SORCS2: variants seen among roughly 807,000 people sequenced by gnomAD.
SORCS2 encodes VPS10 domain-containing receptor SorCS2.
SORCS2 carries 100 observed loss-of-function variants against 141.6 expected under a neutral mutation model. The ratio of observed to expected loss-of-function variants is 0.71; its 90% confidence interval spans 0.60 to 0.83. The LOEUF (loss-of-function observed/expected upper bound fraction) is 0.83. SORCS2 is among the 40% of genes least tolerant of loss of function. The pLI is 0.00. For missense variants in SORCS2, 1,646 were observed against 1,560.2 expected, an observed-to-expected ratio of 1.05 and a Z score of -0.93; for synonymous variants, 789 against 676.9, an observed-to-expected ratio of 1.17 and a Z score of -2.57.
intron 2 of SORCS2, among the ~76,000 whole-genome samples, chr4:7,437,196 C>T (rs1028564615): frequency 2.6e-5 from 4 of 152,156 alleles, no homozygotes; most frequent in South Asian, 2.1e-4. Context: ...GTACTTCTGA[C>T]GAAGTGGCTA....
chr4:7,706,049 G>A (rs1725415169), intron 14 of SORCS2, among the ~76,000 whole-genome samples: 1 of 147,842 alleles, frequency 6.8e-6, no homozygotes. Flanking sequence ...ATGAGGCTGG[G>A]CTCCGCCTGG....
chr4:7,370,425 G>C (rs1722179426), intron 1 of SORCS2, among the ~76,000 whole-genome samples: 1 of 152,230 alleles, frequency 6.6e-6, no homozygotes, highest in Non-Finnish European at 1.5e-5. Context: ...TCAGAGGACA[G>C]CCTGGTCCAT....
At chr4:7,402,788 T>C (rs1443402951) in intron 2 of SORCS2, among the ~76,000 whole-genome samples, 1 of 152,140 alleles carries the variant, frequency 6.6e-6, no homozygotes, top group East Asian at 1.9e-4. Flanking sequence ...AATCTTGTTA[T>C]TTTGCATCTC....
intron 3 of SORCS2, among the ~76,000 whole-genome samples, chr4:7,589,024 CTG>C (rs1169562271): frequency 6.6e-6 from 1 of 152,162 alleles, no homozygotes; most frequent in African/African-American, 2.4e-5. Context: ...ACACAGCAGA[CTG>C]AGAGAGCCCA....
intron 2 of SORCS2, among the ~76,000 whole-genome samples, chr4:7,473,208 T>G (rs2109350553): frequency 6.6e-6 from 1 of 152,162 alleles, no homozygotes; most frequent in African/African-American, 2.4e-5. Context: ...CATCCACAAA[T>G]ATGTGTTTGC....
At chr4:7,460,277 G>C (rs929642685) in intron 2 of SORCS2, among the ~76,000 whole-genome samples, 8 of 152,260 alleles carry the variant, frequency 5.3e-5, no homozygotes, top group African/African-American at 1.9e-4. Flanking sequence ...AGCCCCAGAG[G>C]ACATGGTCCC....
At chr4:7,600,720 G>A (rs995530388) in intron 3 of SORCS2, among the ~76,000 whole-genome samples, 36 of 150,862 alleles carry the variant, frequency 2.4e-4, no homozygotes, top group Non-Finnish European at 4.9e-4. Flanking sequence ...TATATATTAT[G>A]TATTTCTTGT....
chr4:7,551,233 C>T (rs1172706371), intron 3 of SORCS2, among the ~76,000 whole-genome samples: 1 of 152,190 alleles, frequency 6.6e-6, no homozygotes, highest in Non-Finnish European at 1.5e-5. Flanking sequence ...CATCTCACTG[C>T]AAATAAAAGG....
rs34885541 is a variant in SORCS2 at position 7,376,274 on chromosome 4, T to TA, written c.481-19998dup. On this transcript the variant is annotated intron_variant, in intron 1 of 26. Coordinates refer to ENST00000507866, the MANE Select transcript of SORCS2 (RefSeq NM_020777.3). ...GAAAAGCTGGAAAATATGCAAAGAG[T>TA]AAAAAAAAAAAAAAAATACTGGCTG... Among the ~76,000 whole-genome samples, 833 of 147,972 alleles carry TA rather than the reference T, an allele frequency of 5.6e-3. 5 individuals are homozygous for TA. Among genetic ancestry groups the TA allele is most frequent in the African/African-American group, 0.019 (769 of 40,354 alleles).
At chr4:7,410,837 G>A (rs1260886952) in intron 2 of SORCS2, among the ~76,000 whole-genome samples, 2 of 152,032 alleles carry the variant, frequency 1.3e-5, no homozygotes, top group African/African-American at 2.4e-5. Flanking sequence ...AGGCCTTGAG[G>A]TGCCTTTAAA....
At position 7,352,704 on chromosome 4, in the gene SORCS2, C is replaced by T. The variant is rs554601898; in HGVS notation, c.481-43584C>T. On this transcript the variant is annotated intron_variant, in intron 1 of 26. Coordinates refer to ENST00000507866, the MANE Select transcript of SORCS2 (RefSeq NM_020777.3). ...TGCATCCTCAGAGGACACCTCACAG[C>T]CTCACACCTGCTGCAGCTGGAACGG... Among the ~76,000 whole-genome samples, 6 of 152,332 alleles carry T rather than the reference C, an allele frequency of 3.9e-5. No individual in the cohort carries two copies. The East Asian group carries it at 5.8e-4, about 15-fold the overall frequency.
chr4:7,264,414 C>G lies in SORCS2; in HGVS notation c.480+71288C>G, dbSNP rs564186439. On this transcript the variant is annotated intron_variant, in intron 1 of 26. Transcript: ENST00000507866. ...GATGAGTGACTGCAGGTGTGGGCATCTGTCCCCTAGCTGGCCTGGCCTTAG... is the reference window on the plus strand; with the variant it reads ...GATGAGTGACTGCAGGTGTGGGCATGTGTCCCCTAGCTGGCCTGGCCTTAG... Among the ~76,000 whole-genome samples the G allele has an allele frequency of 2.0e-5, 3 of 152,280 alleles. No individual in the cohort carries two copies. In the East Asian group the frequency reaches 5.8e-4, roughly 29 times the overall value.
chr4:7,513,334 G>GC (rs200014887), intron 2 of SORCS2, among the ~76,000 whole-genome samples: 6,629 of 152,274 alleles, frequency 0.044, 505 homozygotes, highest in African/African-American at 0.15. Flanking sequence ...CAAAGCACCT[G>GC]CCCCCCAACC....
At chr4:7,603,081 G>A (rs1050230451) in intron 3 of SORCS2, among the ~76,000 whole-genome samples, 5 of 152,110 alleles carry the variant, frequency 3.3e-5, no homozygotes, top group African/African-American at 1.2e-4. Context: ...ATCAGGCAGG[G>A]AGGTTGCAGT....
At chr4:7,437,846 C>T (rs957604153) in intron 2 of SORCS2, among the ~76,000 whole-genome samples, 2 of 152,318 alleles carry the variant, frequency 1.3e-5, no homozygotes, top group Admixed American at 1.3e-4. Context: ...CTCACTGCCC[C>T]TCCCTCCTTT....
At chr4:7,709,748 A>C (rs999241678) in intron 14 of SORCS2, among the ~76,000 whole-genome samples, 3 of 152,114 alleles carry the variant, frequency 2.0e-5, no homozygotes, top group African/African-American at 7.2e-5. Context: ...GGCCACCTCT[A>C]ACCTGGCCAG....
intron 3 of SORCS2, among the ~76,000 whole-genome samples, chr4:7,587,620 CG>C (rs752846276): frequency 9.8e-5 from 15 of 152,312 alleles, no homozygotes; most frequent in Middle Eastern, 3.4e-3. Flanking sequence ...CACCTGGAGT[CG>C]CCTCTCTAGT....
At chr4:7,221,689 A>ATCC (rs1728715021) in intron 1 of SORCS2, among the ~76,000 whole-genome samples, 2 of 152,202 alleles carry the variant, frequency 1.3e-5, no homozygotes, top group Non-Finnish European at 2.9e-5. Context: ...CAGTCCAGGG[A>ATCC]TGGGAGGCAA....
intron 2 of SORCS2, chr4:7,433,289 G>C: frequency 7.3e-7 from 1 of 1,365,444 alleles, no homozygotes; most frequent in Admixed American, 3.5e-5. Context: ...CTCGCTAGCA[G>C]GCTCTGGGTC....
Sources: allele counts gnomAD v4.1 joint callset (sites outside exome capture counted in the v4.1 genomes callset), GRCh38; gene constraint gnomAD v4.1.1; transcripts MANE v1.5; gene names NCBI Gene and HGNC (gene_info 2026-07-23, HGNC 2026-07-21).